The following FHIT variants were observed in gnomAD, a reference collection of about 807,000 sequenced individuals.
FHIT encodes fragile histidine triad diadenosine triphosphatase.
FHIT carries 19 observed loss-of-function variants against 17.9 expected under a neutral mutation model. The ratio of observed to expected loss-of-function variants is 1.06; its 90% confidence interval spans 0.74 to 1.56. The LOEUF (loss-of-function observed/expected upper bound fraction) is 1.56, where lower values mean the gene tolerates loss of function less well. Among genes scored for constraint, FHIT ranks in the 40% most tolerant of loss-of-function variants. The pLI is 0.00. For missense variants in FHIT, 248 were observed against 189.2 expected (o/e 1.31, Z -1.82); for synonymous variants, 81 against 69.7 (o/e 1.16, Z -0.81).
intron 5 of FHIT, among the ~76,000 whole-genome samples, chr3:60,450,303 T>C (rs962498696): frequency 6.6e-6 from 1 of 151,978 alleles, no homozygotes; most frequent in Non-Finnish European, 1.5e-5. Context: ...CATTATAATC[T>C]TATGGGGCCA....
chr3:60,874,706 C>G (rs1553755919), intron 3 of FHIT, among the ~76,000 whole-genome samples: 1 of 152,130 alleles, frequency 6.6e-6, no homozygotes, highest in Non-Finnish European at 1.5e-5. Context: ...CTAGACCCAC[C>G]TCCCATCTGC....
At chr3:59,963,213 G>C (rs1483037256) in intron 7 of FHIT, among the ~76,000 whole-genome samples, 2 of 151,248 alleles carry the variant, frequency 1.3e-5, no homozygotes, top group Non-Finnish European at 2.9e-5. Flanking sequence ...TTCGCAATGA[G>C]CCGAGATCAC....
At chr3:60,578,768 G>A (rs1553658581) in intron 4 of FHIT, among the ~76,000 whole-genome samples, 1 of 152,050 alleles carries the variant, frequency 6.6e-6, no homozygotes, top group African/African-American at 2.4e-5. Context: ...TTTGAAGGGA[G>A]TATTCACCAC....
chr3:60,080,009 A>G (rs1288979573), intron 5 of FHIT, among the ~76,000 whole-genome samples: 2 of 152,172 alleles, frequency 1.3e-5, no homozygotes, highest in Non-Finnish European at 2.9e-5. Context: ...TTAATGATGT[A>G]GAATGTTGAA....
chr3:60,713,604 T>C (rs1331277875), intron 4 of FHIT, among the ~76,000 whole-genome samples: 9 of 152,282 alleles, frequency 5.9e-5, no homozygotes, highest in Admixed American at 3.9e-4. Context: ...ATATCATCAC[T>C]GATCCCACAG....
intron 7 of FHIT, among the ~76,000 whole-genome samples, chr3:60,008,668 A>G (rs567826267): frequency 6.6e-6 from 1 of 152,336 alleles, no homozygotes; most frequent in Admixed American, 6.5e-5. Context: ...AGAGGCAAAG[A>G]TGAAGAGAAC....
intron 4 of FHIT, among the ~76,000 whole-genome samples, chr3:60,591,692 G>C (rs781987790): frequency 1.3e-5 from 2 of 152,088 alleles, no homozygotes; most frequent in Non-Finnish European, 1.5e-5. Context: ...AAATGGCAGA[G>C]AGGAAAATGA....
chr3:60,079,763 C>T (rs968152885), intron 5 of FHIT, among the ~76,000 whole-genome samples: 3 of 152,052 alleles, frequency 2.0e-5, no homozygotes, highest in Admixed American at 2.0e-4. Context: ...TAACCTCCTG[C>T]GCAACCATAA....
At chr3:61,061,701 C>A (rs2034436255) in intron 2 of FHIT, among the ~76,000 whole-genome samples, 2 of 152,066 alleles carry the variant, frequency 1.3e-5, no homozygotes, top group Non-Finnish European at 2.9e-5. Context: ...ATGACATTGT[C>A]CCTCGGGAGG....
intron 2 of FHIT, among the ~76,000 whole-genome samples, chr3:61,046,010 A>G (rs2033767696): frequency 6.6e-6 from 1 of 152,206 alleles, no homozygotes; most frequent in African/African-American, 2.4e-5. Context: ...GGAAATTTAT[A>G]GCACTAAATG....
intron 5 of FHIT, among the ~76,000 whole-genome samples, chr3:60,318,941 T>TC (rs1284453796): frequency 1.3e-5 from 2 of 152,138 alleles, no homozygotes; most frequent in African/African-American, 4.8e-5. Flanking sequence ...GGTTTGTAGT[T>TC]CTTTCCCTCA....
chr3:60,378,846 A>T (rs186458982), intron 5 of FHIT, among the ~76,000 whole-genome samples: 87 of 152,344 alleles, frequency 5.7e-4, no homozygotes, highest in Non-Finnish European at 1.1e-3. Flanking sequence ...CAAGCCTAGG[A>T]GGTTCATTTC....
At chr3:60,544,876 C>T (rs1292423376) in intron 4 of FHIT, among the ~76,000 whole-genome samples, 6 of 152,178 alleles carry the variant, frequency 3.9e-5, no homozygotes, top group African/African-American at 1.4e-4. Flanking sequence ...GGATTACAAG[C>T]ATGAGCCACT....
At chr3:60,350,782 T>C (rs370987718) in intron 5 of FHIT, among the ~76,000 whole-genome samples, 9 of 152,262 alleles carry the variant, frequency 5.9e-5, no homozygotes, top group African/African-American at 2.2e-4. Context: ...GTGTGTAATC[T>C]CCTCTCTTGA....
At chr3:60,098,433 T>C (rs1474363020) in intron 5 of FHIT, among the ~76,000 whole-genome samples, 4 of 151,700 alleles carry the variant, frequency 2.6e-5, no homozygotes, top group South Asian at 2.1e-4. Flanking sequence ...TGGTATCTCA[T>C]TGTGGTTTTG....
At chr3:61,143,865 AAAACAAAC>A (rs542809092) in intron 2 of FHIT, among the ~76,000 whole-genome samples, 1 of 152,154 alleles carries the variant, frequency 6.6e-6, no homozygotes. Context: ...GACTCTGTCT[AAAACAAAC>A]AAACAAACAA....
intron 5 of FHIT, among the ~76,000 whole-genome samples, chr3:60,426,905 A>G (rs1239529837): frequency 6.6e-6 from 1 of 152,134 alleles, no homozygotes; most frequent in Non-Finnish European, 1.5e-5. Flanking sequence ...TAACCCATAT[A>G]ATTCCTCCCT....
At chr3:60,272,095 C>G (rs1213777045) in intron 5 of FHIT, among the ~76,000 whole-genome samples, 1 of 152,206 alleles carries the variant, frequency 6.6e-6, no homozygotes, top group Non-Finnish European at 1.5e-5. Context: ...GTACTGCCTC[C>G]CGTATTCTAG....
chr3:60,580,763 T>C (rs1464993313), intron 4 of FHIT, among the ~76,000 whole-genome samples: 1 of 152,092 alleles, frequency 6.6e-6, no homozygotes, highest in Non-Finnish European at 1.5e-5. Flanking sequence ...GTTTCACCTC[T>C]CATGACAATT....
Sources: gnomAD v4.1 joint callset for allele counts (sites outside exome capture counted in the v4.1 genomes callset) on GRCh38, gnomAD v4.1.1 for gene constraint, MANE v1.5 for transcripts, NCBI Gene and HGNC (gene_info 2026-07-23, HGNC 2026-07-21) for gene names.